Variants in CLECL1 observed in about 807,000 individuals in gnomAD.
CLECL1 encodes C-type lectin-like domain family 1.
At chr12:9,726,534 A>G (rs779302860) in intron 3 of CLECL1, among the ~76,000 whole-genome samples, 3 of 152,172 alleles carry the variant, frequency 2.0e-5, no homozygotes, top group African/African-American at 7.2e-5. Flanking sequence ...GAGTCCCAGA[A>G]GGAAACAAAG....
At chr12:9,703,852 T>A in the CLECL1 span, among the ~76,000 whole-genome samples, 1 of 152,194 alleles carries the variant, frequency 6.6e-6, no homozygotes, top group Non-Finnish European at 1.5e-5. Flanking sequence ...AATAGTCACC[T>A]TTTGTCAATT....
chr12:9,734,194 T>A (rs1866488647), upstream of CLECL1, among the ~76,000 whole-genome samples: 1 of 152,192 alleles, frequency 6.6e-6, no homozygotes, highest in South Asian at 2.1e-4. Context: ...CTACCCCTCA[T>A]CCAAGAAATT....
At chr12:9,704,708 A>G in the CLECL1 span, among the ~76,000 whole-genome samples, 1 of 152,164 alleles carries the variant, frequency 6.6e-6, no homozygotes, top group Non-Finnish European at 1.5e-5. Context: ...AATGGCATCT[A>G]GTTCCATATA....
the CLECL1 span, among the ~76,000 whole-genome samples, chr12:9,708,447 T>G: frequency 3.3e-5 from 5 of 152,296 alleles, no homozygotes; most frequent in East Asian, 9.6e-4. Context: ...AAACGCCTTT[T>G]CAGTCCCAAA....
At chr12:9,707,528 C>T in the CLECL1 span, among the ~76,000 whole-genome samples, 1 of 152,126 alleles carries the variant, frequency 6.6e-6, no homozygotes, top group Non-Finnish European at 1.5e-5. Context: ...GCTAGGGCTC[C>T]ACTTCTGCCC....
At chr12:9,702,814 A>C in the CLECL1 span, among the ~76,000 whole-genome samples, 1 of 152,262 alleles carries the variant, frequency 6.6e-6, no homozygotes. Context: ...AGTAACTCTG[A>C]AAACTGGGTC....
At chr12:9,702,517 A>G in the CLECL1 span, among the ~76,000 whole-genome samples, 1 of 152,158 alleles carries the variant, frequency 6.6e-6, no homozygotes, top group Non-Finnish European at 1.5e-5. Flanking sequence ...CAGGAAATGC[A>G]TGTTCTCATT....
downstream of CLECL1, among the ~76,000 whole-genome samples, chr12:9,721,863 G>A (rs1866317430): frequency 1.3e-5 from 2 of 152,148 alleles, no homozygotes; most frequent in Non-Finnish European, 2.9e-5. Context: ...GGTAACACTA[G>A]TTTCACTGAA....
upstream of CLECL1, chr12:9,733,266 C>G: frequency 1.9e-6 from 3 of 1,584,214 alleles, no homozygotes; most frequent in Non-Finnish European, 2.6e-6. Context: ...ACTAACCATA[C>G]AGTAGGTTCT....
At chr12:9,711,547 G>A (rs763670888), downstream of CLECL1, among the ~76,000 whole-genome samples, 31 of 150,862 alleles carry the variant, frequency 2.1e-4, 1 homozygote, top group Admixed American at 2.6e-4. Context: ...AGTTTTCACC[G>A]TACTCAACTA....
At chr12:9,712,697 C>T (rs779696389), downstream of CLECL1, among the ~76,000 whole-genome samples, 3 of 152,218 alleles carry the variant, frequency 2.0e-5, no homozygotes, top group Middle Eastern at 3.4e-3. Flanking sequence ...TACAGATAGT[C>T]TTTAACAAAT....
chr12:9,703,343 T>C, the CLECL1 span, among the ~76,000 whole-genome samples: 4 of 151,966 alleles, frequency 2.6e-5, no homozygotes, highest in African/African-American at 9.7e-5. Context: ...TATACACACA[T>C]ACACACACAC....
the CLECL1 span, among the ~76,000 whole-genome samples, chr12:9,710,528 C>T: frequency 4.6e-5 from 7 of 152,286 alleles, no homozygotes; most frequent in South Asian, 2.1e-4. Context: ...TCCACACTCA[C>T]GGACCTAACT....
At chr12:9,703,845 A>G in the CLECL1 span, among the ~76,000 whole-genome samples, 1 of 152,176 alleles carries the variant, frequency 6.6e-6, no homozygotes, top group Non-Finnish European at 1.5e-5. Flanking sequence ...AATGAGAAAT[A>G]GTCACCTTTT....
chr12:9,722,896 G>T, intron 3 of CLECL1, 83 bp from the exon 2 acceptor site: 1 of 1,031,938 alleles, frequency 9.7e-7, no homozygotes, highest in South Asian at 1.9e-5. Context: ...TCTCAAATTT[G>T]GTTATATTAT....
chr12:9,716,680 G>T (rs1866242869), exon 3 of CLECL1: 1 of 718,904 alleles, frequency 1.4e-6, no homozygotes, highest in Non-Finnish European at 1.9e-6. Context: ...TTCCTAAGAA[G>T]ACCCCAGAGA....
downstream of CLECL1, among the ~76,000 whole-genome samples, chr12:9,715,163 C>T (rs1051986542): frequency 6.6e-6 from 1 of 152,124 alleles, no homozygotes; most frequent in African/African-American, 2.4e-5. Context: ...TGACACAAGA[C>T]CAGTATTGAC....
chr12:9,708,227 G>A, the CLECL1 span, among the ~76,000 whole-genome samples: 1 of 152,124 alleles, frequency 6.6e-6, no homozygotes, highest in Non-Finnish European at 1.5e-5. Flanking sequence ...GATTAGGAGG[G>A]CCCACTTGCA....
chr12:9,732,964 G>T, exon 1 of CLECL1: 1 of 1,603,870 alleles, frequency 6.2e-7, no homozygotes, highest in South Asian at 1.1e-5. Flanking sequence ...CTCTGAAGTG[G>T]AAACGCGAGT....
Sources: allele counts gnomAD v4.1 joint callset (sites outside exome capture counted in the v4.1 genomes callset), GRCh38; gene constraint gnomAD v4.1.1; transcripts MANE v1.5; gene names NCBI Gene and HGNC (gene_info 2026-07-23, HGNC 2026-07-21).